Variants in QTMAN observed in about 807,000 individuals in gnomAD.
QTMAN encodes queuosine-tRNA mannosyltransferase.
At chr2:144,142,159 T>A in the QTMAN span, 2 of 705,546 alleles carry the variant, frequency 2.8e-6, no homozygotes, top group Non-Finnish European at 4.6e-6. Flanking sequence ...ATACTACACC[T>A]TAGGTTTGCA....
At chr2:144,227,313 A>C in the QTMAN span, among the ~76,000 whole-genome samples, 1 of 152,102 alleles carries the variant, frequency 6.6e-6, no homozygotes, top group Admixed American at 6.6e-5. Context: ...CACATTTCTT[A>C]TTTACTCATG....
the QTMAN span, among the ~76,000 whole-genome samples, chr2:144,212,039 T>C: frequency 6.6e-6 from 1 of 152,318 alleles, no homozygotes; most frequent in East Asian, 1.9e-4. Flanking sequence ...GAGGCTGTGG[T>C]CAAGTGTTTG....
the QTMAN span, among the ~76,000 whole-genome samples, chr2:143,990,968 A>G: frequency 2.1e-4 from 32 of 152,236 alleles, no homozygotes; most frequent in African/African-American, 7.5e-4. Context: ...AATTTAAAAA[A>G]ATCATTAAAG....
chr2:144,325,697 C>T, the QTMAN span, among the ~76,000 whole-genome samples: 1 of 150,228 alleles, frequency 6.7e-6, no homozygotes, highest in Admixed American at 6.6e-5. Context: ...TTAAAAATAC[C>T]ACTGCAAAAA....
the QTMAN span, among the ~76,000 whole-genome samples, chr2:144,187,882 T>A: frequency 1.3e-5 from 2 of 152,134 alleles, no homozygotes; most frequent in Non-Finnish European, 2.9e-5. Flanking sequence ...CATGCTAGAT[T>A]AGTGTGGGCC....
the QTMAN span, among the ~76,000 whole-genome samples, chr2:144,165,001 CAT>C: frequency 2.0e-5 from 3 of 152,072 alleles, no homozygotes; most frequent in Non-Finnish European, 4.4e-5. Flanking sequence ...TGGAAAAACA[CAT>C]GATGTTTTAA....
the QTMAN span, among the ~76,000 whole-genome samples, chr2:143,988,552 G>A: frequency 6.6e-6 from 1 of 152,206 alleles, no homozygotes; most frequent in Non-Finnish European, 1.5e-5. Flanking sequence ...TAAGACCAGT[G>A]GTTAGATTAA....
the QTMAN span, among the ~76,000 whole-genome samples, chr2:143,978,567 G>A: frequency 6.6e-6 from 1 of 152,194 alleles, no homozygotes; most frequent in Non-Finnish European, 1.5e-5. Flanking sequence ...CAGTAAGCCT[G>A]TAGAAACCCA....
At chr2:144,255,408 T>C in the QTMAN span, among the ~76,000 whole-genome samples, 1 of 152,152 alleles carries the variant, frequency 6.6e-6, no homozygotes, top group Admixed American at 6.5e-5. Flanking sequence ...TTGGCCGTGA[T>C]GTGAAGGACA....
the QTMAN span, among the ~76,000 whole-genome samples, chr2:144,059,844 G>T: frequency 6.6e-6 from 1 of 152,038 alleles, no homozygotes; most frequent in African/African-American, 2.4e-5. Flanking sequence ...TTGTCAATCA[G>T]GTGTTAGCCA....
the QTMAN span, among the ~76,000 whole-genome samples, chr2:144,057,547 T>C: frequency 6.6e-6 from 1 of 152,166 alleles, no homozygotes; most frequent in East Asian, 1.9e-4. Flanking sequence ...TCCCCAGAAA[T>C]GGCAATCTGA....
the QTMAN span, chr2:143,939,270 T>C: frequency 6.6e-6 from 1 of 152,230 alleles, no homozygotes; most frequent in Non-Finnish European, 1.5e-5. Context: ...TGTTGTTAAT[T>C]CATGTTCTTA....
At chr2:144,253,760 G>GA in the QTMAN span, among the ~76,000 whole-genome samples, 1,399 of 125,888 alleles carry the variant, frequency 0.011, 12 homozygotes, top group Middle Eastern at 0.016. Context: ...CAATGAAGTA[G>GA]AAAAAAAAAA....
the QTMAN span, among the ~76,000 whole-genome samples, chr2:144,228,160 C>A: frequency 1.3e-5 from 2 of 152,112 alleles, no homozygotes; most frequent in Non-Finnish European, 2.9e-5. Context: ...CCTTCTGATT[C>A]TTATGAGACA....
the QTMAN span, among the ~76,000 whole-genome samples, chr2:144,139,892 C>T: frequency 0.16 from 25,022 of 151,858 alleles, 3,974 homozygotes; most frequent in African/African-American, 0.4. Context: ...GCTTTGTTTT[C>T]AGTTAAATTC....
At chr2:144,195,840 AAAT>A in the QTMAN span, among the ~76,000 whole-genome samples, 1 of 152,158 alleles carries the variant, frequency 6.6e-6, no homozygotes, top group Admixed American at 6.5e-5. Flanking sequence ...AGACTTGGAA[AAAT>A]AATAATATTG....
the QTMAN span, among the ~76,000 whole-genome samples, chr2:144,141,657 G>T: frequency 1.3e-5 from 2 of 149,268 alleles, no homozygotes; most frequent in African/African-American, 4.9e-5. Context: ...ATAAATAAAA[G>T]AAAAGAAAAG....
At chr2:144,055,227 A>G in the QTMAN span, among the ~76,000 whole-genome samples, 1 of 152,026 alleles carries the variant, frequency 6.6e-6, no homozygotes, top group Non-Finnish European at 1.5e-5. Flanking sequence ...TGCTGTTAAT[A>G]TTCAGGTAAT....
At chr2:144,055,334 G>GACACACACACACAC in the QTMAN span, among the ~76,000 whole-genome samples, 5 of 132,856 alleles carry the variant, frequency 3.8e-5, no homozygotes, top group South Asian at 2.5e-4. Flanking sequence ...CAGACACACA[G>GACACACACACACAC]ACACACACAC....
Sources: gnomAD v4.1 joint callset for allele counts (sites outside exome capture counted in the v4.1 genomes callset) on GRCh38, gnomAD v4.1.1 for gene constraint, MANE v1.5 for transcripts, NCBI Gene and HGNC (gene_info 2026-07-23, HGNC 2026-07-21) for gene names.